Variants in SEMA3C observed in about 807,000 individuals in gnomAD.
The protein encoded by SEMA3C is semaphorin-3C.
A neutral mutation model predicts 89.4 loss-of-function variants in SEMA3C; 47 were observed. The observed-to-expected ratio is 0.53, with a 90% CI of 0.42 to 0.67. The LOEUF is 0.67. SEMA3C is among the 30% of genes least tolerant of loss of function. The pLI is 0.00. For synonymous variants in SEMA3C, 310 were observed against 320.2 expected (o/e 0.97, Z 0.34); for missense variants, 839 against 929.1 (o/e 0.90, Z 1.26).
chr7:80,773,596 C>G (rs867732850), intron 12 of SEMA3C, among the ~76,000 whole-genome samples: 2 of 152,196 alleles, frequency 1.3e-5, no homozygotes, highest in African/African-American at 4.8e-5. Context: ...TATTCATGAT[C>G]ATTCCACACT....
chr7:80,897,510 A>C (rs1282008364), intron 2 of SEMA3C, among the ~76,000 whole-genome samples: 2 of 152,204 alleles, frequency 1.3e-5, no homozygotes, highest in Non-Finnish European at 2.9e-5. Context: ...ACACCAGAGA[A>C]GAAAAGCAAA....
At chr7:80,831,288 T>C (rs1466901116) in intron 2 of SEMA3C, among the ~76,000 whole-genome samples, 1 of 152,224 alleles carries the variant, frequency 6.6e-6, no homozygotes, top group Non-Finnish European at 1.5e-5. Context: ...CTCTGAACTC[T>C]AGTGTCCTTA....
intron 2 of SEMA3C, among the ~76,000 whole-genome samples, chr7:80,866,061 T>C (rs1790920058): frequency 6.6e-6 from 1 of 152,208 alleles, no homozygotes; most frequent in African/African-American, 2.4e-5. Flanking sequence ...AAATAACCTT[T>C]ATGTAAATAT....
chr7:80,745,415 A>C, intron 17 of SEMA3C, 108 bp from the exon 18 acceptor site: 1 of 1,080,294 alleles, frequency 9.3e-7, no homozygotes, highest in East Asian at 2.5e-5. Context: ...GGAAAAAAGT[A>C]TTGAGCACTA....
rs747862664 is a variant in SEMA3C, at chr7:80,818,262, A to G, written c.447+37T>C. On this transcript the variant is annotated intron_variant, in intron 5 of 17. Transcript: ENST00000265361. The stretch of plus-strand genomic sequence containing the variant: ...TACAGTTTCAAAAATCCTTGACACT[A>G]ATATCAAAACTAAGAATGTTAAATA... The G allele has an allele frequency of 3.0e-5, 46 of 1,531,572 alleles. No homozygotes were observed. In the East Asian group the frequency reaches 1.0e-3, roughly 35 times the overall value. The allele number at this position is 1,531,572 out of a possible 1,614,324, so 94.9% of individuals were successfully genotyped here.
At chr7:80,779,699 C>CG (rs1471102726) in intron 12 of SEMA3C, among the ~76,000 whole-genome samples, 2 of 152,144 alleles carry the variant, frequency 1.3e-5, no homozygotes, top group African/African-American at 4.8e-5. Flanking sequence ...ATGAGTCATG[C>CG]TCTTGTATAA....
intron 13 of SEMA3C, among the ~76,000 whole-genome samples, chr7:80,764,524 C>A (rs566806118): frequency 1.3e-5 from 2 of 152,094 alleles, no homozygotes; most frequent in African/African-American, 4.8e-5. Context: ...TCTGCCCTGA[C>A]CAGGTGAGAT....
intron 2 of SEMA3C, among the ~76,000 whole-genome samples, chr7:80,861,229 G>T (rs1312490157): frequency 6.6e-6 from 1 of 152,030 alleles, no homozygotes; most frequent in Non-Finnish European, 1.5e-5. Context: ...TTATTGAAAA[G>T]AAATACATAT....
At chr7:80,894,801 A>G (rs929208073) in intron 2 of SEMA3C, among the ~76,000 whole-genome samples, 8 of 151,906 alleles carry the variant, frequency 5.3e-5, no homozygotes, top group Admixed American at 1.3e-4. Context: ...CATTATCTCA[A>G]TTCCTCCATT....
At chr7:80,865,802 AT>A (rs1790914097) in intron 2 of SEMA3C, among the ~76,000 whole-genome samples, 1 of 152,216 alleles carries the variant, frequency 6.6e-6, no homozygotes, top group Admixed American at 6.5e-5. Flanking sequence ...TCAGAAAAAA[AT>A]AAAATAAAAA....
intron 11 of SEMA3C, among the ~76,000 whole-genome samples, chr7:80,792,351 T>C (rs1788964560): frequency 2.0e-5 from 3 of 152,334 alleles, no homozygotes; most frequent in Admixed American, 2.0e-4. Flanking sequence ...AATGCATGGG[T>C]AATTTAAATA....
chr7:80,781,439 T>C (rs2117093073), intron 12 of SEMA3C, among the ~76,000 whole-genome samples: 1 of 152,320 alleles, frequency 6.6e-6, no homozygotes, highest in South Asian at 2.1e-4. Context: ...TCATTCCAAC[T>C]TAAACTATAT....
At chr7:80,815,564 A>AAAAAAAAAAAAAAAAAAAAAAAAAAAAG (rs1789584933) in intron 5 of SEMA3C, among the ~76,000 whole-genome samples, 1 of 150,742 alleles carries the variant, frequency 6.6e-6, no homozygotes. Flanking sequence ...CAAAAAAAAA[A>AAAAAAAAAAAAAAAAAAAAAAAAAAAAG]AAAAAAAAAG....
chr7:80,745,453 AT>A, intron 17 of SEMA3C, 146 bp from the exon 18 acceptor site: 3 of 760,792 alleles, frequency 3.9e-6, no homozygotes, highest in Non-Finnish European at 6.1e-6. Flanking sequence ...TGGACATGAA[AT>A]TTTGGTCAGT....
chr7:80,746,157 C>T (rs1163396041), intron 17 of SEMA3C, among the ~76,000 whole-genome samples: 1 of 151,876 alleles, frequency 6.6e-6, no homozygotes, highest in African/African-American at 2.4e-5. Context: ...ATAAATCTGA[C>T]CAAAACCAAA....
chr7:80,833,855 G>T (rs1790066634), intron 2 of SEMA3C, among the ~76,000 whole-genome samples: 1 of 151,946 alleles, frequency 6.6e-6, no homozygotes, highest in Non-Finnish European at 1.5e-5. Context: ...TCTATCATTT[G>T]GTTTCACATA....
In SEMA3C at chr7:80,838,456, T is replaced by C. The variant is rs1243122090; in HGVS notation, c.104-9711A>G. On this transcript the variant is annotated intron_variant, in intron 2 of 17. Coordinates refer to ENST00000265361, the MANE Select transcript of SEMA3C (RefSeq NM_006379.5). ...ATCCTTCATATTACTATACATCTTGTAGGAAAAAGGGGTCTATGTAAAAAC... is the reference window on the plus strand; with the variant it reads ...ATCCTTCATATTACTATACATCTTGCAGGAAAAAGGGGTCTATGTAAAAAC... Among the ~76,000 whole-genome samples, 5 of 152,168 alleles carry C rather than the reference T, an allele frequency of 3.3e-5. No individual in the cohort carries two copies. In the South Asian group the frequency reaches 6.2e-4, roughly 19 times the overall value.
At chr7:80,915,046 G>T (rs1272498528) in intron 2 of SEMA3C, among the ~76,000 whole-genome samples, 1 of 152,148 alleles carries the variant, frequency 6.6e-6, no homozygotes, top group Non-Finnish European at 1.5e-5. Flanking sequence ...GGAAAAGAAA[G>T]CAGGTAGAGA....
At chr7:80,791,389 C>T (rs556548453) in intron 11 of SEMA3C, among the ~76,000 whole-genome samples, 9 of 152,238 alleles carry the variant, frequency 5.9e-5, no homozygotes, top group South Asian at 2.1e-4. Flanking sequence ...AAATTCCTGT[C>T]GATATCTCTA....
Sources: gnomAD v4.1 joint callset for allele counts (sites outside exome capture counted in the v4.1 genomes callset) on GRCh38, gnomAD v4.1.1 for gene constraint, MANE v1.5 for transcripts, NCBI Gene and HGNC (gene_info 2026-07-23, HGNC 2026-07-21) for gene names.